Variants in NR3C2 observed in about 807,000 individuals in gnomAD.
NR3C2 encodes the protein mineralocorticoid receptor.
In NR3C2, 15 loss-of-function variants were observed where a neutral mutation model predicts 86.4. The ratio of observed to expected loss-of-function variants is 0.17; its 90% CI spans 0.12 to 0.27. The LOEUF is 0.27. Among genes scored for constraint, NR3C2 ranks in the 10% least tolerant of loss-of-function variants. NR3C2 has a pLI of 1.00. For missense variants in NR3C2, 960 were observed against 1,195.6 expected (o/e 0.80, Z 2.91); for synonymous variants, 458 against 450.5 (o/e 1.02, Z -0.21).
chr4:148,155,017 T>G lies in NR3C2; in HGVS notation c.2015-116A>C. ...AGATCTTGTTATGTCAATAGGAACA[T>G]GACCGTTTATTCCACTAAGAGAAAA... On this transcript the variant is annotated intron_variant, in intron 4 of 8. Coordinates refer to ENST00000358102, the MANE Select transcript of NR3C2 (RefSeq NM_000901.5). The G allele has an allele frequency of 1.7e-5, 14 of 823,968 alleles. No homozygotes were observed. In the South Asian group the frequency reaches 2.1e-4, roughly 12 times the overall value. The allele number at this position is 823,968 out of a possible 1,614,324, so 51.0% of individuals were successfully genotyped here.
At chr4:148,136,056 C>CAAAAAAAAA (rs199716496) in intron 6 of NR3C2, among the ~76,000 whole-genome samples, 3 of 71,176 alleles carry the variant, frequency 4.2e-5, no homozygotes, top group Admixed American at 1.4e-4. Flanking sequence ...GACTCCGTCT[C>CAAAAAAAAA]AAAAAAAAAA....
intron 4 of NR3C2, among the ~76,000 whole-genome samples, chr4:148,173,731 T>C (rs975435772): frequency 1.3e-5 from 2 of 152,264 alleles, no homozygotes; most frequent in Non-Finnish European, 2.9e-5. Flanking sequence ...GGCTTCCTTC[T>C]TGGTCCTCCT....
At chr4:148,360,358 A>G (rs749875132) in intron 2 of NR3C2, among the ~76,000 whole-genome samples, 3 of 152,194 alleles carry the variant, frequency 2.0e-5, no homozygotes, top group Non-Finnish European at 4.4e-5. Flanking sequence ...AAAAGCTCCA[A>G]CTAAAAGTGG....
chr4:148,221,602 A>C (rs1437044438), intron 3 of NR3C2, among the ~76,000 whole-genome samples: 1 of 152,204 alleles, frequency 6.6e-6, no homozygotes, highest in Middle Eastern at 3.2e-3. Flanking sequence ...GTTTAGAATA[A>C]GTGCTACAGG....
intron 3 of NR3C2, among the ~76,000 whole-genome samples, chr4:148,205,458 CTG>C (rs35258207): frequency 0.18 from 27,103 of 152,172 alleles, 3,385 homozygotes; most frequent in East Asian, 0.55. Flanking sequence ...ATCAATTTCT[CTG>C]TATCCTTCCA....
intron 3 of NR3C2, among the ~76,000 whole-genome samples, chr4:148,237,752 T>C (rs1738819787): frequency 6.6e-6 from 1 of 151,500 alleles, no homozygotes; most frequent in South Asian, 2.1e-4. Flanking sequence ...GAAGCTAAAA[T>C]GGTTTATAAT....
intron 3 of NR3C2, among the ~76,000 whole-genome samples, chr4:148,241,311 A>G (rs1183453770): frequency 7.2e-6 from 1 of 139,498 alleles, no homozygotes; most frequent in Non-Finnish European, 1.6e-5. Flanking sequence ...GTCTCAAAAA[A>G]AAAAAAAAAA....
chr4:148,362,532 G>C (rs72729952), intron 2 of NR3C2, among the ~76,000 whole-genome samples: 2,122 of 152,034 alleles, frequency 0.014, 28 homozygotes, highest in Non-Finnish European at 0.025. Context: ...CCTTCACATT[G>C]GCTGTTCTAT....
At chr4:148,440,004 A>G (rs1336713000) in intron 1 of NR3C2, among the ~76,000 whole-genome samples, 3 of 152,242 alleles carry the variant, frequency 2.0e-5, no homozygotes, top group Non-Finnish European at 2.9e-5. Context: ...GTTTCACCAC[A>G]TTATTGACAG....
chr4:148,290,316 T>C (rs1741737398), intron 2 of NR3C2, among the ~76,000 whole-genome samples: 2 of 152,084 alleles, frequency 1.3e-5, no homozygotes, highest in South Asian at 4.1e-4. Context: ...TCTCCAAATA[T>C]AGGTACTGAG....
chr4:148,106,524 A>T (rs1211039861), intron 8 of NR3C2, among the ~76,000 whole-genome samples: 1 of 152,206 alleles, frequency 6.6e-6, no homozygotes, highest in Non-Finnish European at 1.5e-5. Flanking sequence ...TTTAAATTTC[A>T]TATGGAACCA....
At chr4:148,282,064 C>T (rs1741273920) in intron 2 of NR3C2, among the ~76,000 whole-genome samples, 2 of 152,158 alleles carry the variant, frequency 1.3e-5, no homozygotes, top group Admixed American at 6.6e-5. Flanking sequence ...CAGAGTCTCG[C>T]TGTTGTCCAG....
chr4:148,289,290 A>AC (rs397805102), intron 2 of NR3C2, among the ~76,000 whole-genome samples: 1 of 146,472 alleles, frequency 6.8e-6, no homozygotes, highest in Non-Finnish European at 1.5e-5. Context: ...AAAAAAAAAA[A>AC]CCATGATGTG....
At chr4:148,282,029 T>C (rs926101461) in intron 2 of NR3C2, among the ~76,000 whole-genome samples, 11 of 152,188 alleles carry the variant, frequency 7.2e-5, no homozygotes, top group African/African-American at 2.7e-4. Context: ...CTCTTACTTA[T>C]TCATATATTT....
chr4:148,196,247 T>C (rs1192837400), intron 3 of NR3C2, among the ~76,000 whole-genome samples: 1 of 152,154 alleles, frequency 6.6e-6, no homozygotes, highest in Non-Finnish European at 1.5e-5. Flanking sequence ...GGGACTGTCA[T>C]TAATTAAAAG....
chr4:148,427,357 C>A (rs1293067704), intron 2 of NR3C2, among the ~76,000 whole-genome samples: 1 of 152,080 alleles, frequency 6.6e-6, no homozygotes, highest in African/African-American at 2.4e-5. Flanking sequence ...AACTCCTCCC[C>A]TTCCTCTTCC....
intron 6 of NR3C2, among the ~76,000 whole-genome samples, chr4:148,145,151 G>C (rs1733805977): frequency 6.6e-6 from 1 of 152,218 alleles, no homozygotes; most frequent in African/African-American, 2.4e-5. Flanking sequence ...GATCTCAGGA[G>C]TTGGGTGAGT....
chr4:148,170,892 A>G (rs541082859), intron 4 of NR3C2, among the ~76,000 whole-genome samples: 1 of 152,332 alleles, frequency 6.6e-6, no homozygotes, highest in East Asian at 1.9e-4. Flanking sequence ...TATCAGGTTT[A>G]TTATCACAAG....
rs1730535104 is a variant in NR3C2 at position 148,081,160 on chromosome 4, TC to T, written c.*183del. The T allele has an allele frequency of 6.7e-6, 5 of 750,002 alleles. No individual in the cohort carries two copies. Among genetic ancestry groups the T allele is most frequent in the Non-Finnish European group, 1.1e-5 (5 of 440,014 alleles). 46.5% of individuals were successfully genotyped at this position (750,002 alleles called of 1,614,324 possible). ...TGGGGAATCCTTCAGACTGCTCTGG[TC>T]TCGCCAAATCCACGGAAAAACAGCT... is the stretch of plus-strand genomic sequence containing the variant. On this transcript the variant is annotated 3_prime_UTR_variant, in exon 9 of 9. Transcript: ENST00000358102.
Sources: gnomAD v4.1 joint callset for allele counts (sites outside exome capture counted in the v4.1 genomes callset) on GRCh38, gnomAD v4.1.1 for gene constraint, MANE v1.5 for transcripts, NCBI Gene and HGNC (gene_info 2026-07-23, HGNC 2026-07-21) for gene names.